RGS6: variants seen among roughly 807,000 people sequenced by gnomAD.
RGS6 encodes the protein regulator of G-protein signaling 6.
Under a neutral mutation model 78.5 loss-of-function variants are expected in RGS6, and 30 were observed. That is an observed-to-expected ratio of 0.38 (90% CI 0.29 to 0.52). RGS6 has a LOEUF of 0.52. Ranked by LOEUF, RGS6 falls within the 20% of genes least tolerant of loss-of-function variation. The pLI, the probability that RGS6 is intolerant of heterozygous loss-of-function variation, is 0.85. For synonymous variants in RGS6, 206 were observed against 206.0 expected (o/e 1.00, Z 0.00); for missense variants, 495 against 609.7 (o/e 0.81, Z 1.98).
intron 3 of RGS6, among the ~76,000 whole-genome samples, chr14:72,385,518 G>T (rs2087681740): frequency 6.6e-6 from 1 of 152,282 alleles, no homozygotes; most frequent in East Asian, 1.9e-4. Context: ...TAGGGAATGG[G>T]GCTGGTGAAT....
chr14:71,897,624 G>A, the RGS6 span, among the ~76,000 whole-genome samples: 1 of 152,088 alleles, frequency 6.6e-6, no homozygotes, highest in Admixed American at 6.5e-5. Context: ...GGGTTCAAGT[G>A]ATTTTCCTGC....
chr14:71,890,271 A>G, the RGS6 span, among the ~76,000 whole-genome samples: 2 of 151,966 alleles, frequency 1.3e-5, no homozygotes, highest in African/African-American at 2.4e-5. Context: ...AGTGCAGGAG[A>G]GGTCCACCTG....
chr14:72,437,391 G>T (rs2094979195), intron 3 of RGS6, among the ~76,000 whole-genome samples: 1 of 148,082 alleles, frequency 6.8e-6, no homozygotes. Context: ...CCTAGATTCT[G>T]TAAGCACCTA....
At chr14:71,984,318 AAAAAC>A (rs1454753998) in intron 2 of RGS6, among the ~76,000 whole-genome samples, 2 of 104,750 alleles carry the variant, frequency 1.9e-5, no homozygotes, top group African/African-American at 6.9e-5. Context: ...AAAAAAAAAA[AAAAAC>A]AAAGCTGTTA....
chr14:72,247,218 C>G (rs2054457697), intron 2 of RGS6, among the ~76,000 whole-genome samples: 2 of 152,148 alleles, frequency 1.3e-5, no homozygotes, highest in Admixed American at 6.5e-5. Flanking sequence ...TAGACTTTTT[C>G]TAATACTTTT....
intron 13 of RGS6, among the ~76,000 whole-genome samples, chr14:72,505,751 T>A (rs1210075873): frequency 6.6e-6 from 1 of 152,232 alleles, no homozygotes; most frequent in Non-Finnish European, 1.5e-5. Context: ...TCTGGATGTT[T>A]AAATACAATG....
intron 2 of RGS6, among the ~76,000 whole-genome samples, chr14:72,089,284 T>A (rs1369802432): frequency 6.6e-6 from 1 of 152,204 alleles, no homozygotes; most frequent in Non-Finnish European, 1.5e-5. Context: ...CCAATATGCA[T>A]GGGGAAAACC....
the RGS6 span, among the ~76,000 whole-genome samples, chr14:71,898,038 G>T: frequency 6.6e-6 from 1 of 150,706 alleles, no homozygotes; most frequent in South Asian, 2.1e-4. Context: ...TTTGTTTTGG[G>T]TACAAAGTGA....
At chr14:72,225,180 G>A (rs117745555) in intron 2 of RGS6, among the ~76,000 whole-genome samples, 1,831 of 152,128 alleles carry the variant, frequency 0.012, 13 homozygotes, top group Middle Eastern at 0.021. Flanking sequence ...TTATATTTAC[G>A]TTTTATCACT....
At chr14:72,415,239 G>T (rs541301903) in intron 3 of RGS6, among the ~76,000 whole-genome samples, 1 of 152,352 alleles carries the variant, frequency 6.6e-6, no homozygotes, top group East Asian at 1.9e-4. Context: ...CTGGGCAATG[G>T]CGGGTGCCCC....
chr14:72,526,051 A>G (rs1390422024), intron 15 of RGS6, among the ~76,000 whole-genome samples: 2 of 152,044 alleles, frequency 1.3e-5, no homozygotes, highest in Non-Finnish European at 2.9e-5. Context: ...CTAAGCATAG[A>G]TTCCTTATAC....
chr14:72,022,968 C>G (rs1242798198), intron 2 of RGS6, among the ~76,000 whole-genome samples: 3 of 152,148 alleles, frequency 2.0e-5, no homozygotes, highest in African/African-American at 7.2e-5. Context: ...TCTTCATGCC[C>G]CAGCTCAGAC....
At chr14:72,467,661 G>A (rs944407633) in intron 7 of RGS6, among the ~76,000 whole-genome samples, 1 of 152,166 alleles carries the variant, frequency 6.6e-6, no homozygotes, top group Non-Finnish European at 1.5e-5. Flanking sequence ...AAGAAGCAGT[G>A]CAGCAGTTTG....
intron 2 of RGS6, among the ~76,000 whole-genome samples, chr14:71,974,815 C>T (rs56731686): frequency 0.077 from 11,654 of 152,156 alleles, 563 homozygotes; most frequent in East Asian, 0.21. Context: ...TGCAGGTCTG[C>T]TGAAGATAAA....
chr14:72,523,262 A>G (rs1330448673), intron 15 of RGS6, among the ~76,000 whole-genome samples: 1 of 152,164 alleles, frequency 6.6e-6, no homozygotes, highest in Non-Finnish European at 1.5e-5. Context: ...GAGAAGTTCT[A>G]GTCCCTAGAG....
chr14:72,052,988 TCTCTCTCTCTCTCTC>T (rs1567106266), intron 2 of RGS6, among the ~76,000 whole-genome samples: 11 of 65,294 alleles, frequency 1.7e-4, no homozygotes, highest in Admixed American at 6.7e-4. Flanking sequence ...TTTCTTTCTC[TCTCTCTCTCTCTCTC>T]TCTTTCTTTC....
chr14:72,188,479 T>TATC (rs34314181), intron 2 of RGS6, among the ~76,000 whole-genome samples: 18 of 150,842 alleles, frequency 1.2e-4, no homozygotes, highest in South Asian at 8.4e-4. Context: ...CTATAGCAGT[T>TATC]ATCATCATCA....
At chr14:72,089,927 T>C (rs1242663930) in intron 2 of RGS6, among the ~76,000 whole-genome samples, 1 of 152,138 alleles carries the variant, frequency 6.6e-6, no homozygotes, top group African/African-American at 2.4e-5. Flanking sequence ...CCAAGTGGGC[T>C]GACAGGAAGG....
At chr14:72,052,985 C>CTT (rs745409035) in intron 2 of RGS6, among the ~76,000 whole-genome samples, 11,692 of 52,086 alleles carry the variant, frequency 0.22, 1,087 homozygotes, top group East Asian at 0.25. Flanking sequence ...TTCTTTCTTT[C>CTT]TCTCTCTCTC....
Sources: gnomAD v4.1 joint callset for allele counts (sites outside exome capture counted in the v4.1 genomes callset) on GRCh38, gnomAD v4.1.1 for gene constraint, MANE v1.5 for transcripts, NCBI Gene and HGNC (gene_info 2026-07-23, HGNC 2026-07-21) for gene names.